Variants in SORCS1 observed in about 807,000 individuals in gnomAD.
The protein encoded by SORCS1 is VPS10 domain-containing receptor SorCS1.
SORCS1 carries 60 observed loss-of-function variants against 146.1 expected under a neutral mutation model. That is an observed-to-expected ratio of 0.41 (90% confidence interval 0.33 to 0.51). SORCS1 has a LOEUF of 0.51. SORCS1 is among the 20% of genes least tolerant of loss of function. SORCS1 has a pLI of 0.21. For synonymous variants in SORCS1, 637 were observed against 584.0 expected (o/e 1.09, Z -1.31); for missense variants, 1,352 against 1,487.6 (o/e 0.91, Z 1.50).
At chr10:106,708,924 T>C (rs528922987) in intron 7 of SORCS1, among the ~76,000 whole-genome samples, 3 of 152,208 alleles carry the variant, frequency 2.0e-5, no homozygotes, top group African/African-American at 4.8e-5. Flanking sequence ...CAGATCGTAC[T>C]GTGCATCATC....
intron 6 of SORCS1, among the ~76,000 whole-genome samples, chr10:106,722,286 G>C (rs1855840987): frequency 6.6e-6 from 1 of 152,052 alleles, no homozygotes; most frequent in African/African-American, 2.4e-5. Flanking sequence ...TGAAGACTTT[G>C]AGAACTGAGA....
intron 2 of SORCS1, among the ~76,000 whole-genome samples, chr10:106,834,910 A>C (rs892641416): frequency 2.9e-4 from 44 of 152,250 alleles, no homozygotes; most frequent in African/African-American, 1.1e-3. Context: ...TTAACAAAAT[A>C]AGCATTCCAT....
At chr10:107,014,483 A>T (rs1957817987) in intron 1 of SORCS1, among the ~76,000 whole-genome samples, 1 of 152,166 alleles carries the variant, frequency 6.6e-6, no homozygotes. Context: ...TGGCAAAATG[A>T]GAAACTAGGA....
At chr10:107,077,925 A>C (rs1239649151) in intron 1 of SORCS1, among the ~76,000 whole-genome samples, 3 of 152,172 alleles carry the variant, frequency 2.0e-5, no homozygotes, top group Non-Finnish European at 4.4e-5. Context: ...GAATTTAAAA[A>C]ATCAGGAAAA....
intron 24 of SORCS1, among the ~76,000 whole-genome samples, chr10:106,596,944 C>T (rs879736164): frequency 5.3e-5 from 8 of 152,030 alleles, no homozygotes; most frequent in East Asian, 1.9e-4. Flanking sequence ...CTCTGCCTCC[C>T]GGGTTCAAGC....
At chr10:106,818,255 A>AAG (rs1410015219) in intron 3 of SORCS1, among the ~76,000 whole-genome samples, 2 of 152,220 alleles carry the variant, frequency 1.3e-5, no homozygotes, top group Non-Finnish European at 2.9e-5. Flanking sequence ...CAATATTAAT[A>AAG]ATGTCACCAC....
intron 2 of SORCS1, among the ~76,000 whole-genome samples, chr10:106,886,007 A>G (rs912315672): frequency 6.6e-6 from 1 of 152,098 alleles, no homozygotes; most frequent in African/African-American, 2.4e-5. Context: ...CACTCCTGTA[A>G]TCCCAGCACT....
At chr10:106,638,176 GA>G (rs1848842757) in intron 18 of SORCS1, among the ~76,000 whole-genome samples, 1 of 152,204 alleles carries the variant, frequency 6.6e-6, no homozygotes. Flanking sequence ...GCTCTGGCTA[GA>G]AAACTAGGGG....
intron 22 of SORCS1, among the ~76,000 whole-genome samples, chr10:106,611,266 C>A (rs1846967339): frequency 6.6e-6 from 1 of 152,138 alleles, no homozygotes; most frequent in South Asian, 2.1e-4. Flanking sequence ...CCCTTAATTT[C>A]AATTTTGCAG....
chr10:107,084,177 G>A (rs1454835411), intron 1 of SORCS1, among the ~76,000 whole-genome samples: 1 of 140,524 alleles, frequency 7.1e-6, no homozygotes, highest in Non-Finnish European at 1.5e-5. Context: ...CTCACTGCAA[G>A]CTCTGCCTCC....
At chr10:106,702,581 C>G (rs1477047409) in intron 8 of SORCS1, among the ~76,000 whole-genome samples, 1 of 152,204 alleles carries the variant, frequency 6.6e-6, no homozygotes, top group Non-Finnish European at 1.5e-5. Flanking sequence ...ACAATGATAA[C>G]AGATTAAAAT....
At chr10:106,864,409 C>G (rs986338952) in intron 2 of SORCS1, among the ~76,000 whole-genome samples, 4 of 152,120 alleles carry the variant, frequency 2.6e-5, no homozygotes, top group Non-Finnish European at 5.9e-5. Context: ...CCCATGTGAA[C>G]CCACTCCACC....
At chr10:106,978,666 C>A (rs1217664158) in intron 1 of SORCS1, among the ~76,000 whole-genome samples, 1 of 151,918 alleles carries the variant, frequency 6.6e-6, no homozygotes, top group Non-Finnish European at 1.5e-5. Context: ...GGTGTGGTGG[C>A]GTGCACCCGT....
chr10:107,060,963 T>C lies in SORCS1; in HGVS notation c.558+103006A>G, dbSNP rs140874305. Among the ~76,000 whole-genome samples, 1,490 of 152,220 alleles carry C rather than the reference T, an allele frequency of 9.8e-3. 29 individuals are homozygous for C. Among genetic ancestry groups the C allele is most frequent in the African/African-American group, 0.034 (1,427 of 41,542 alleles). On this transcript the variant is annotated intron_variant, in intron 1 of 25. Transcript: ENST00000263054. The surrounding 1 kb of genome is among the most constrained non-coding windows in gnomAD (Gnocchi z 4.1). Reference sequence around the variant, plus strand: ...TTTCCCTTTCTCTTTCCAAGTTAAATAAAAAAATTTATCTTCTGTTTCTAC... The same window carrying C: ...TTTCCCTTTCTCTTTCCAAGTTAAACAAAAAAATTTATCTTCTGTTTCTAC...
chr10:106,711,710 ATTC>A (rs888889982), intron 6 of SORCS1, among the ~76,000 whole-genome samples: 11 of 152,186 alleles, frequency 7.2e-5, no homozygotes, highest in Non-Finnish European at 1.6e-4. Context: ...AGAGTCCTCT[ATTC>A]TTCCTTCCTC....
At chr10:107,072,749 GA>G (rs11330632) in intron 1 of SORCS1, among the ~76,000 whole-genome samples, 39,566 of 131,002 alleles carry the variant, frequency 0.3, 6,762 homozygotes, top group African/African-American at 0.52. Flanking sequence ...AATTAAAAAA[GA>G]AAAAAAAAAG....
chr10:106,994,078 A>AG (rs989751883), intron 1 of SORCS1, among the ~76,000 whole-genome samples: 28 of 150,912 alleles, frequency 1.9e-4, no homozygotes, highest in Admixed American at 1.6e-3. Context: ...AAAAAAAAAA[A>AG]AAAAAAAAAG....
intron 2 of SORCS1, among the ~76,000 whole-genome samples, chr10:106,858,516 G>A (rs1252209724): frequency 1.4e-5 from 2 of 147,752 alleles, no homozygotes; most frequent in Middle Eastern, 3.7e-3. Context: ...GCTGAGGTAG[G>A]AGAATGGTGT....
intron 1 of SORCS1, among the ~76,000 whole-genome samples, chr10:106,981,073 T>C (rs1433264919): frequency 6.6e-6 from 1 of 152,122 alleles, no homozygotes; most frequent in South Asian, 2.1e-4. Flanking sequence ...GATCACAATT[T>C]AGATAGGAAT....
Sources: allele counts gnomAD v4.1 joint callset (sites outside exome capture counted in the v4.1 genomes callset), GRCh38; gene constraint gnomAD v4.1.1; non-coding constraint Gnocchi (gnomAD v3.1); transcripts MANE v1.5; gene names NCBI Gene and HGNC (gene_info 2026-07-23, HGNC 2026-07-21).